The following EFHD1 variants were observed in gnomAD, a reference collection of about 807,000 sequenced individuals.
EFHD1 encodes the protein EF-hand domain family member D1, also known as EF-hand domain-containing protein D1.
Under a neutral mutation model 17.2 loss-of-function variants are expected in EFHD1, and 10 were observed. That is an observed-to-expected ratio of 0.58 (90% CI 0.36 to 0.99). The LOEUF (loss-of-function observed/expected upper bound fraction) is 0.99. EFHD1 is among the 50% of genes least tolerant of loss of function. The pLI is 0.01. For missense variants in EFHD1, 310 were observed against 327.5 expected, an observed-to-expected ratio of 0.95 and a Z score of 0.41; for synonymous variants, 153 against 142.0, an observed-to-expected ratio of 1.08 and a Z score of -0.55.
At chr2:232,669,758 G>A (rs1364300303) in intron 2 of EFHD1, among the ~76,000 whole-genome samples, 1 of 151,942 alleles carries the variant, frequency 6.6e-6, no homozygotes, top group Admixed American at 6.6e-5. Flanking sequence ...GCACCACCAC[G>A]CCCGGCTAAT....
intron 1 of EFHD1, among the ~76,000 whole-genome samples, chr2:232,655,919 G>C (rs752888048): frequency 3.3e-5 from 5 of 150,660 alleles, no homozygotes; most frequent in Non-Finnish European, 7.4e-5. Flanking sequence ...CCATTCTCCT[G>C]CCTCAGCTTC....
At chr2:232,658,803 G>A (rs536230324) in intron 1 of EFHD1, among the ~76,000 whole-genome samples, 7 of 152,168 alleles carry the variant, frequency 4.6e-5, no homozygotes, top group African/African-American at 1.4e-4. Flanking sequence ...TTTAGGGTGA[G>A]GCAAACGTTC....
At chr2:232,632,864 G>T (rs906390124), upstream of EFHD1, among the ~76,000 whole-genome samples, 2 of 152,184 alleles carry the variant, frequency 1.3e-5, no homozygotes, top group Non-Finnish European at 2.9e-5. Context: ...GGGCTCAAAA[G>T]ATCCTGCCAC....
chr2:232,648,389 G>A (rs1295938355), intron 1 of EFHD1, among the ~76,000 whole-genome samples: 1 of 152,156 alleles, frequency 6.6e-6, no homozygotes, highest in Non-Finnish European at 1.5e-5. Context: ...AGAGCATTGG[G>A]AGTGACTGTT....
At chr2:232,669,190 G>A (rs188870794) in intron 2 of EFHD1, among the ~76,000 whole-genome samples, 39 of 152,222 alleles carry the variant, frequency 2.6e-4, no homozygotes, top group Middle Eastern at 3.4e-3. Flanking sequence ...CCTATTCTTG[G>A]GGGGCCTGGC....
At chr2:232,638,545 C>T (rs1319246378) in intron 1 of EFHD1, 12 of 453,570 alleles carry the variant, frequency 2.6e-5, no homozygotes, top group Non-Finnish European at 5.4e-5. Flanking sequence ...TTCTTTTTCT[C>T]CTCCTTAGTC....
intron 1 of EFHD1, among the ~76,000 whole-genome samples, chr2:232,643,729 G>T (rs1694474305): frequency 6.6e-6 from 1 of 152,088 alleles, no homozygotes; most frequent in Non-Finnish European, 1.5e-5. Flanking sequence ...TGTCACCCAG[G>T]CTGGAGTGCA....
At chr2:232,619,176 T>C (rs1452986341) in intron 1 of EFHD1, among the ~76,000 whole-genome samples, 2 of 141,800 alleles carry the variant, frequency 1.4e-5, no homozygotes, top group Admixed American at 7.2e-5. Context: ...AATAAATAAA[T>C]AAATAAATAA....
intron 1 of EFHD1, among the ~76,000 whole-genome samples, chr2:232,650,906 A>G (rs1427973698): frequency 6.6e-6 from 1 of 152,082 alleles, no homozygotes; most frequent in African/African-American, 2.4e-5. Flanking sequence ...ATATATGTAT[A>G]TGGATTAACG....
intron 1 of EFHD1, among the ~76,000 whole-genome samples, chr2:232,647,149 A>G (rs1295541828): frequency 2.0e-5 from 3 of 152,256 alleles, no homozygotes; most frequent in African/African-American, 7.2e-5. Flanking sequence ...GTGTGCAGTC[A>G]TGGCCTTAAT....
At chr2:232,627,108 G>A (rs1036165305) in intron 1 of EFHD1, among the ~76,000 whole-genome samples, 8 of 138,762 alleles carry the variant, frequency 5.8e-5, no homozygotes, top group Non-Finnish European at 1.2e-4. Context: ...GCACACACCT[G>A]TAGTCCCAGC....
chr2:232,663,075 T>G, intron 2 of EFHD1, 126 bp downstream of exon 2: 1 of 1,127,322 alleles, frequency 8.9e-7, no homozygotes, highest in African/African-American at 1.6e-5. Context: ...TAACCTGCAA[T>G]TCCGCTTTCA....
intron 1 of EFHD1, among the ~76,000 whole-genome samples, chr2:232,613,500 C>G (rs949027200): frequency 6.6e-6 from 1 of 151,916 alleles, no homozygotes; most frequent in Non-Finnish European, 1.5e-5. Context: ...TAGTAACAGC[C>G]CCAAAATTGA....
At chr2:232,626,408 C>T (rs1694104310) in intron 1 of EFHD1, among the ~76,000 whole-genome samples, 2 of 151,214 alleles carry the variant, frequency 1.3e-5, no homozygotes, top group Admixed American at 1.3e-4. Flanking sequence ...ATTAGCTGGG[C>T]GTGGTGGTGC....
chr2:232,662,941 T>C lies in EFHD1; in HGVS notation c.442T>C (p.Phe148Leu). The C allele has an allele frequency of 6.3e-7, 1 of 1,584,150 alleles. No individual in the cohort carries two copies. The highest frequency in any genetic ancestry group is 8.6e-7 in the Non-Finnish European group (1 of 1,168,546). Residue 148 changes from phenylalanine to leucine, a missense_variant, in exon 2 of 4, where the codon TTC (phenylalanine) becomes CTC (leucine). Transcript: ENST00000264059. ...VDEDFDGKLS[F>L]REFLLIFHKA... ...TGAGGACTTCGATGGCAAGCTCAGC[T>C]TCCGGGAGGTACCTGCCTGCTGTGG...
intron 2 of EFHD1, 135 bp from the exon 3 acceptor site, chr2:232,672,174 A>G (rs936968115): frequency 6.4e-6 from 8 of 1,256,644 alleles, no homozygotes; most frequent in Non-Finnish European, 9.1e-6. Flanking sequence ...GATGAGGGAA[A>G]AAAGTAATTT....
chr2:232,656,426 C>CTT (rs112444755), intron 1 of EFHD1, among the ~76,000 whole-genome samples: 4 of 130,640 alleles, frequency 3.1e-5, no homozygotes, highest in African/African-American at 5.6e-5. Context: ...TAGGACCTTG[C>CTT]TTTTTTTTTT....
intron 1 of EFHD1, among the ~76,000 whole-genome samples, chr2:232,646,531 G>A (rs1394042659): frequency 1.6e-5 from 2 of 127,268 alleles, no homozygotes; most frequent in African/African-American, 3.0e-5. Context: ...TGCAGCCTCC[G>A]CCTCCTGGGT....
intron 1 of EFHD1, among the ~76,000 whole-genome samples, chr2:232,657,515 G>C (rs1694783787): frequency 6.6e-6 from 1 of 152,058 alleles, no homozygotes; most frequent in African/African-American, 2.4e-5. Context: ...ATGCTGCTAA[G>C]AATACTAGTG....
Sources: gnomAD v4.1 joint callset for allele counts (sites outside exome capture counted in the v4.1 genomes callset) on GRCh38, gnomAD v4.1.1 for gene constraint, MANE v1.5 for transcripts, NCBI Gene and HGNC (gene_info 2026-07-23, HGNC 2026-07-21) for gene names.